The following CEP290 variants were observed in gnomAD, a reference collection of about 807,000 sequenced individuals.
The protein encoded by CEP290 is centrosomal protein 290.
Under a neutral mutation model 344.9 loss-of-function variants are expected in CEP290, and 317 were observed. The observed-to-expected ratio is 0.92, with a 90% confidence interval of 0.84 to 1.01. The LOEUF (loss-of-function observed/expected upper bound fraction) is 1.01. Among genes scored for constraint, CEP290 ranks in the 50% least tolerant of loss-of-function variants. The pLI, the probability that CEP290 is intolerant of heterozygous loss-of-function variation, is 0.00. For synonymous variants in CEP290, 932 were observed against 895.8 expected, an observed-to-expected ratio of 1.04 and a Z score of -0.72; for missense variants, 2,754 against 2,761.4, an observed-to-expected ratio of 1.00 and a Z score of 0.06.
intron 20 of CEP290, among the ~76,000 whole-genome samples, chr12:88,112,728 A>G (rs916825155): frequency 3.9e-5 from 6 of 152,116 alleles, no homozygotes; most frequent in African/African-American, 1.2e-4. Flanking sequence ...GTTTAACTCT[A>G]GGTAGTAGAT....
chr12:88,050,475 C>T, intron 52 of CEP290, 42 bp from the exon 53 acceptor site: 1 of 928,748 alleles, frequency 1.1e-6, no homozygotes, highest in Non-Finnish European at 1.7e-6. Flanking sequence ...CTTTTTCCCA[C>T]TACGAATGAG....
intron 27 of CEP290, among the ~76,000 whole-genome samples, chr12:88,094,738 G>C (rs1305516013): frequency 6.6e-6 from 1 of 152,028 alleles, no homozygotes. Context: ...AAATTTGGTA[G>C]AGTGTTTTGC....
Position 88,115,183 on chromosome 12 carries a change from C to T in CEP290, c.1825-1G>A. ...TTAGTTCTCTTGAAAGAAATTCATT[C>T]TGAAAAAAGCAGAGAGAATAAAATT... is the stretch of plus-strand genomic sequence containing the variant. On this transcript the variant is annotated splice_acceptor_variant, in intron 18 of 53. Transcript: ENST00000552810. LOFTEE classifies it high-confidence loss of function. The T allele has an allele frequency of 7.1e-7, 1 of 1,400,504 alleles. No individual in the cohort carries two copies. Among genetic ancestry groups the T allele is most frequent in the Non-Finnish European group, 9.9e-7 (1 of 1,015,152 alleles). The allele number at this position is 1,400,504 out of a possible 1,614,324, so 86.8% of individuals were successfully genotyped here. A position where few individuals can be genotyped will look rare whatever the true frequency, so the allele number is the denominator to read the frequency against.
Position 88,080,415 on chromosome 12 carries a change from G to A in CEP290, c.5013-20C>T, listed in dbSNP as rs1299195353. ...TGAAGCCTGATGTAAATAAACATAT[G>A]TGTGTGTGTGTTTTTTAATTTTTAA... On this transcript the variant is annotated intron_variant, in intron 37 of 53. Coordinates refer to ENST00000552810, the MANE Select transcript of CEP290 (RefSeq NM_025114.4). 1.4e-6 allele frequency: 2 copies of A among 1,480,900 alleles called. No individual in the cohort carries two copies. Among genetic ancestry groups the A allele is most frequent in the South Asian group, 1.2e-5 (1 of 82,060 alleles). 91.7% of individuals were successfully genotyped at this position (1,480,900 alleles called of 1,614,324 possible).
At chr12:88,111,988 G>C in intron 20 of CEP290, 130 bp from the exon 21 acceptor site, 1 of 574,076 alleles carries the variant, frequency 1.7e-6, no homozygotes, top group Non-Finnish European at 2.8e-6. Flanking sequence ...TGATAATAAA[G>C]TATGCCAATT....
In CEP290 at chr12:88,112,682, C is replaced by G. The variant is rs185543585; in HGVS notation, c.2053-824G>C. On this transcript the variant is annotated intron_variant, in intron 20 of 53. Transcript: ENST00000552810. ...GCCAAATAAGGTAAAATGAATAGAACCAAATGCAATCTCCTACTCAGGAAG... is the reference window on the plus strand; with the variant it reads ...GCCAAATAAGGTAAAATGAATAGAAGCAAATGCAATCTCCTACTCAGGAAG... 2.6e-4 allele frequency among the ~76,000 whole-genome samples: 39 copies of G among 152,134 alleles called. No individual in the cohort carries two copies. The East Asian group carries it at 7.3e-3, about 29-fold the overall frequency.
chr12:88,090,043 C>A (rs978373426), intron 30 of CEP290, among the ~76,000 whole-genome samples: 10 of 151,628 alleles, frequency 6.6e-5, no homozygotes, highest in African/African-American at 1.5e-4. Flanking sequence ...TTTTTTTTAA[C>A]CTCCATTGCA....
At position 88,071,893 on chromosome 12, in the gene CEP290, C is replaced by T; in HGVS notation, c.5743G>A (p.Gly1915Ser). 1 of 1,599,976 alleles carries T rather than the reference C, an allele frequency of 6.3e-7. No individual in the cohort carries two copies. Among genetic ancestry groups the T allele is most frequent in the African/African-American group, 1.3e-5 (1 of 74,346 alleles). The change falls in exon 42 of 54, where the codon GGT (glycine) becomes AGT (serine). Residue 1915 changes from glycine to serine, a missense_variant. By Grantham distance (56) the Gly-to-Ser change is moderately conservative (BLOSUM62 0). Transcript: ENST00000552810. ...TCTATTTTGGCTTGCCACTTTTTACCTTCTTCCCACCTAATTAATTCTTCT... is the reference window on the plus strand; with the variant it reads ...TCTATTTTGGCTTGCCACTTTTTACTTTCTTCCCACCTAATTAATTCTTCT... Reference protein sequence around the residue: ...AKEELIRWEEGKKWQAKIEGI... With the variant: ...AKEELIRWEESKKWQAKIEGI...
intron 53 of CEP290, 58 bp downstream of exon 53, chr12:88,050,296 A>C (rs1371293110): frequency 9.8e-6 from 8 of 819,320 alleles, no homozygotes; most frequent in Non-Finnish European, 1.4e-5. Flanking sequence ...GATGGTAATG[A>C]AAATAGTTTT....
At chr12:88,115,313 T>C (rs2038973138) in intron 18 of CEP290, 131 bp from the exon 19 acceptor site, 2 of 676,172 alleles carry the variant, frequency 3.0e-6, no homozygotes, top group East Asian at 2.9e-5. Flanking sequence ...TATGAAGACA[T>C]AGCAGCAATC....
At chr12:88,106,583 A>G in intron 25 of CEP290, 92 bp downstream of exon 25, 2 of 743,802 alleles carry the variant, frequency 2.7e-6, no homozygotes, top group South Asian at 2.1e-5. Flanking sequence ...TTAACTATTA[A>G]TTCAGGTGAT....
intron 43 of CEP290, among the ~76,000 whole-genome samples, chr12:88,070,184 A>C (rs368178426): frequency 1.2e-4 from 19 of 152,170 alleles, no homozygotes; most frequent in African/African-American, 4.6e-4. Context: ...CAATGGAGTA[A>C]ATACATTCAA....
Position 88,091,125 on chromosome 12 carries a change from T to C in CEP290, c.3462-286A>G, listed in dbSNP as rs77707234. ...CTCCCAGAGGTTCTATCATATATAA[T>C]TATCTCAAATCATACTTACTATATA... On this transcript the variant is annotated intron_variant, in intron 29 of 53. Coordinates refer to ENST00000552810, the MANE Select transcript of CEP290 (RefSeq NM_025114.4). Among the ~76,000 whole-genome samples the C allele has an allele frequency of 0.018, 2,773 of 152,264 alleles. 87 individuals are homozygous for C. Among genetic ancestry groups the C allele is most frequent in the African/African-American group, 0.064 (2,659 of 41,550 alleles).
chr12:88,066,371 C>T (rs1363737542), intron 44 of CEP290, among the ~76,000 whole-genome samples: 1 of 151,738 alleles, frequency 6.6e-6, no homozygotes, highest in Non-Finnish European at 1.5e-5. Context: ...ACAATCTTAG[C>T]TCACTATAAC....
At chr12:88,138,780 T>C (rs776544904) in intron 5 of CEP290, among the ~76,000 whole-genome samples, 20 of 152,218 alleles carry the variant, frequency 1.3e-4, no homozygotes, top group Non-Finnish European at 2.4e-4. Flanking sequence ...TATTTTGTTC[T>C]TCAACAATAC....
intron 5 of CEP290, 78 bp from the exon 6 acceptor site, chr12:88,136,864 T>C (rs2040381733): frequency 8.0e-7 from 1 of 1,248,390 alleles, no homozygotes; most frequent in African/African-American, 1.5e-5. Flanking sequence ...AAGCAAATAA[T>C]TATGCTGAAT....
chr12:88,137,160 C>G (rs2040396338), intron 5 of CEP290, among the ~76,000 whole-genome samples: 1 of 152,110 alleles, frequency 6.6e-6, no homozygotes, highest in Non-Finnish European at 1.5e-5. Flanking sequence ...GTGCCTTAAC[C>G]TGCCCTTTCT....
intron 44 of CEP290, 48 bp downstream of exon 44, chr12:88,068,474 C>T: frequency 8.1e-7 from 1 of 1,228,104 alleles, no homozygotes; most frequent in Non-Finnish European, 1.1e-6. Context: ...CACTTTCATG[C>T]ATTTTAACAT....
Position 88,054,383 on chromosome 12 carries a change from C to T in CEP290, c.6991G>A (p.Ala2331Thr). ...IKILKHVPEG[A>T]ETEQGLKREL... Reference sequence around the variant, plus strand: ...CGTTTAAGGCCTTGCTCTGTCTCAGCACCTTCAGGAACATGTTTAAGAATC... The same window carrying T: ...CGTTTAAGGCCTTGCTCTGTCTCAGTACCTTCAGGAACATGTTTAAGAATC... The change falls in exon 51 of 54, where the codon GCT becomes ACT. Residue 2331 changes from alanine (A) to threonine (T), a missense_variant. Ala to Thr is a moderately conservative substitution (Grantham distance 58). Transcript: ENST00000552810. 1.2e-6 allele frequency: 2 copies of T among 1,611,568 alleles called. No individual in the cohort carries two copies. Among genetic ancestry groups the T allele is most frequent in the Non-Finnish European group, 1.7e-6 (2 of 1,178,592 alleles).
Sources: allele counts gnomAD v4.1 joint callset (sites outside exome capture counted in the v4.1 genomes callset), GRCh38; gene constraint gnomAD v4.1.1; transcripts MANE v1.5; gene names NCBI Gene and HGNC (gene_info 2026-07-23, HGNC 2026-07-21).